ATRX: variants seen among roughly 807,000 people sequenced by gnomAD.
The protein encoded by ATRX is ATRX chromatin remodeler, also known as chromatin remodeler ATRX.
ATRX carries 12 observed loss-of-function variants against 172.6 expected under a neutral mutation model. The ratio of observed to expected loss-of-function variants is 0.07; its 90% CI spans 0.04 to 0.11. The LOEUF is 0.11. Ranked by LOEUF, ATRX falls within the 10% of genes least tolerant of loss-of-function variation. The pLI is 1.00. For missense variants in ATRX, 1,368 were observed against 1,767.4 expected (o/e 0.77, Z 4.05); for synonymous variants, 674 against 594.7 (o/e 1.13, Z -1.94).
intron 1 of ATRX, among the ~76,000 whole-genome samples, chrX:77,785,429 A>T (rs781945579): frequency 7.1e-4 from 78 of 109,536 alleles, no homozygotes; most frequent in African/African-American, 2.5e-3. Flanking sequence ...GAACTGCACC[A>T]CAACCCAATC....
At chrX:77,739,715 G>A in intron 1 of ATRX, among the ~76,000 whole-genome samples, 2 of 110,130 alleles carry the variant, frequency 1.8e-5, no homozygotes, top group South Asian at 7.6e-4. Context: ...TAAGCCCACA[G>A]ACACCTATGA....
At chrX:77,603,631 C>T (rs2066773865) in intron 22 of ATRX, among the ~76,000 whole-genome samples, 2 of 109,679 alleles carry the variant, frequency 1.8e-5, no homozygotes, top group African/African-American at 3.3e-5. Context: ...CTGCCTCGGC[C>T]TCCCAAAGTA....
At chrX:77,624,628 T>G (rs2067744230) in intron 19 of ATRX, among the ~76,000 whole-genome samples, 2 of 110,988 alleles carry the variant, frequency 1.8e-5, no homozygotes, top group Non-Finnish European at 3.8e-5. Context: ...TTACAATAGC[T>G]GCATAAATAA....
At position 77,739,922 on chromosome X, in the gene ATRX, G is replaced by A. The variant is rs782474963; in HGVS notation, c.21-22679C>T. 4.7e-5 allele frequency among the ~76,000 whole-genome samples: 5 copies of A among 106,589 alleles called. No homozygotes were observed. In the East Asian group the frequency reaches 8.9e-4, roughly 19 times the overall value. The allele number at this position is 106,589 out of a possible 115,157, so 92.6% of individuals were successfully genotyped here. A position where few individuals can be genotyped will look rare whatever the true frequency, so the allele number is the denominator to read the frequency against. ...AAAAAAATTAGCCAGATATAGTGGC[G>A]GGCACCTGTAATTTCAGCTACTTGG... is the stretch of plus-strand genomic sequence containing the variant. On this transcript the variant is annotated intron_variant, in intron 1 of 34. Coordinates refer to ENST00000373344, the MANE Select transcript of ATRX (RefSeq NM_000489.6).
chrX:77,705,993 A>AT (rs1337964474), intron 2 of ATRX, among the ~76,000 whole-genome samples: 15 of 106,257 alleles, frequency 1.4e-4, no homozygotes, highest in Non-Finnish European at 2.3e-4. Context: ...TTTTTTTTTA[A>AT]TTTTTTTTTT....
At chrX:77,538,895 ATTT>A (rs567391617) in intron 30 of ATRX, among the ~76,000 whole-genome samples, 1 of 89,359 alleles carries the variant, frequency 1.1e-5, no homozygotes, top group Admixed American at 1.2e-4. Context: ...ACTTTGCTCC[ATTT>A]TTTTTTTTTT....
intron 27 of ATRX, among the ~76,000 whole-genome samples, chrX:77,583,565 T>G (rs2065904526): frequency 9.1e-6 from 1 of 110,350 alleles, no homozygotes; most frequent in Admixed American, 9.6e-5. Flanking sequence ...TTTCAATTCA[T>G]GGTAAGAAAG....
At chrX:77,613,675 C>T (rs1350451006) in intron 22 of ATRX, among the ~76,000 whole-genome samples, 1 of 112,151 alleles carries the variant, frequency 8.9e-6, no homozygotes, top group African/African-American at 3.2e-5. Flanking sequence ...CAATCCCCCA[C>T]ATATACCAAG....
chrX:77,678,168 G>A (rs1410845944), intron 9 of ATRX, among the ~76,000 whole-genome samples: 1 of 108,096 alleles, frequency 9.3e-6, no homozygotes, highest in Non-Finnish European at 1.9e-5. Flanking sequence ...ATTGCAGTGA[G>A]CCGAGATTGC....
chrX:77,735,602 A>C (rs1244310467), intron 1 of ATRX, among the ~76,000 whole-genome samples: 3 of 78,075 alleles, frequency 3.8e-5, no homozygotes, highest in Middle Eastern at 6.4e-3. Flanking sequence ...AAAAAACTAA[A>C]TAAATAAATA....
At chrX:77,527,140 A>G (rs1354611659) in intron 30 of ATRX, among the ~76,000 whole-genome samples, 1 of 112,200 alleles carries the variant, frequency 8.9e-6, no homozygotes, top group African/African-American at 3.2e-5. Context: ...TACCAGTACC[A>G]TTTTTTATTT....
At chrX:77,751,698 TC>T (rs1557187698) in intron 1 of ATRX, among the ~76,000 whole-genome samples, 4 of 112,193 alleles carry the variant, frequency 3.6e-5, no homozygotes, top group African/African-American at 1.3e-4. Flanking sequence ...TTGTATAAGC[TC>T]TAAAGAAGGG....
intron 30 of ATRX, among the ~76,000 whole-genome samples, chrX:77,529,267 CAA>C (rs1167507716): frequency 9.0e-6 from 1 of 111,470 alleles, no homozygotes; most frequent in Non-Finnish European, 1.9e-5. Flanking sequence ...CACAACCTAG[CAA>C]GACAGGCCAA....
In ATRX at chrX:77,656,553, A is replaced by ATAAT. The variant is rs1603106285; in HGVS notation, c.4214+3_4214+6dup. On this transcript the variant is annotated splice_region_variant and intron_variant, in intron 13 of 34. Transcript: ENST00000373344. The stretch of plus-strand genomic sequence containing the variant: ...TCCTAAAATTTTTTAAAAACCAATT[A>ATAAT]TAATACCTTGTTCTGGGCCGCTGTT... 4 of 1,201,573 alleles carry ATAAT rather than the reference A, an allele frequency of 3.3e-6. No individual in the cohort carries two copies. The highest frequency in any genetic ancestry group is 4.5e-6 in the Non-Finnish European group (4 of 888,561).
intron 27 of ATRX, among the ~76,000 whole-genome samples, chrX:77,589,422 A>G (rs781877344): frequency 1.8e-5 from 2 of 112,252 alleles, no homozygotes; most frequent in South Asian, 7.3e-4. Flanking sequence ...GATGTGAATT[A>G]TCTCTCAATA....
intron 22 of ATRX, among the ~76,000 whole-genome samples, chrX:77,608,033 C>A (rs1449564100): frequency 2.7e-5 from 3 of 110,806 alleles, no homozygotes; most frequent in Non-Finnish European, 5.7e-5. Flanking sequence ...TACATAACTT[C>A]AAAGTATACT....
chrX:77,595,404 C>T (rs1309899090), intron 25 of ATRX: 3 of 111,551 alleles, frequency 2.7e-5, no homozygotes, highest in East Asian at 2.8e-4. Context: ...ATTTCAGTTT[C>T]GGATCTTTTA....
At chrX:77,571,470 G>A (rs1194166298) in intron 28 of ATRX, among the ~76,000 whole-genome samples, 1 of 111,717 alleles carries the variant, frequency 9.0e-6, no homozygotes, top group Non-Finnish European at 1.9e-5. Context: ...CACATATAGA[G>A]AATGATACCA....
intron 9 of ATRX, 62 bp downstream of exon 9, chrX:77,681,458 A>G (rs1454596425): frequency 2.2e-5 from 22 of 983,718 alleles, no homozygotes; most frequent in Non-Finnish European, 3.2e-5. Context: ...AGGAAATTAA[A>G]CAATGTAGTA....
Sources: gnomAD v4.1 joint callset for allele counts (sites outside exome capture counted in the v4.1 genomes callset) on GRCh38, gnomAD v4.1.1 for gene constraint, MANE v1.5 for transcripts, NCBI Gene and HGNC (gene_info 2026-07-23, HGNC 2026-07-21) for gene names.